NCKAP5: variants seen among roughly 807,000 people sequenced by gnomAD.
NCKAP5 encodes the protein nck-associated protein 5.
In NCKAP5, 92 loss-of-function variants were observed where a neutral mutation model predicts 167.0. That is an observed-to-expected ratio of 0.55 (90% CI 0.47 to 0.66). NCKAP5 has a LOEUF of 0.66. Among genes scored for constraint, NCKAP5 ranks in the 30% least tolerant of loss-of-function variants. The probability of loss-of-function intolerance (pLI) is 0.00; values close to 1 mark genes in which losing one functional copy is unlikely to be tolerated. For synonymous variants in NCKAP5, 891 were observed against 877.4 expected, an observed-to-expected ratio of 1.02 and a Z score of -0.27; for missense variants, 2,378 against 2,315.0, an observed-to-expected ratio of 1.03 and a Z score of -0.56.
At chr2:133,610,179 A>C in the NCKAP5 span, among the ~76,000 whole-genome samples, 9 of 152,190 alleles carry the variant, frequency 5.9e-5, no homozygotes, top group Non-Finnish European at 1.3e-4. Flanking sequence ...TACCATGAGA[A>C]AGAACACAAT....
chr2:133,106,899 A>G (rs1013221084), intron 6 of NCKAP5, among the ~76,000 whole-genome samples: 8 of 152,230 alleles, frequency 5.3e-5, no homozygotes, highest in Admixed American at 1.3e-4. Context: ...AATCAGAATC[A>G]AAAGTGAATG....
At chr2:133,345,315 C>T (rs1683895775) in intron 3 of NCKAP5, among the ~76,000 whole-genome samples, 1 of 151,824 alleles carries the variant, frequency 6.6e-6, no homozygotes. Context: ...CCCAAGTTTG[C>T]GTTTTTGACA....
At position 133,141,195 on chromosome 2, in the gene NCKAP5, T is replaced by C. The variant is rs560833097; in HGVS notation, c.208-11084A>G. On this transcript the variant is annotated intron_variant, in intron 5 of 19. Coordinates refer to ENST00000409261, the MANE Select transcript of NCKAP5 (RefSeq NM_207363.3). ...CATCTTCTTTCCCTTACCATTGCCT[T>C]CTCCCAACAGCCCAGGGATTGCAAT... Among the ~76,000 whole-genome samples the C allele has an allele frequency of 4.6e-5, 7 of 152,202 alleles. No homozygotes were observed. In the South Asian group the frequency reaches 6.2e-4, roughly 14 times the overall value.
At chr2:132,674,147 C>A (rs938416793) in intron 19 of NCKAP5, among the ~76,000 whole-genome samples, 9 of 152,186 alleles carry the variant, frequency 5.9e-5, no homozygotes, top group African/African-American at 2.2e-4. Flanking sequence ...TACAATATTT[C>A]TCATCTTCTT....
chr2:132,913,392 G>A (rs1033981355), intron 8 of NCKAP5, among the ~76,000 whole-genome samples: 21 of 151,598 alleles, frequency 1.4e-4, no homozygotes, highest in African/African-American at 3.1e-4. Flanking sequence ...GTGTGATCTC[G>A]GGTGTGATGC....
chr2:133,408,373 T>C (rs1688573999), intron 3 of NCKAP5, among the ~76,000 whole-genome samples: 1 of 152,218 alleles, frequency 6.6e-6, no homozygotes, highest in African/African-American at 2.4e-5. Context: ...TCTCTCCGAA[T>C]GTTGTTCCAT....
chr2:132,768,752 G>A (rs930067798), intron 16 of NCKAP5, among the ~76,000 whole-genome samples: 34 of 148,802 alleles, frequency 2.3e-4, no homozygotes, highest in Admixed American at 1.5e-3. Context: ...CCATTCTCCT[G>A]CCTCAGCCTC....
chr2:132,904,348 A>T (rs114045445), intron 8 of NCKAP5, among the ~76,000 whole-genome samples: 3,935 of 150,272 alleles, frequency 0.026, 150 homozygotes, highest in African/African-American at 0.089. Flanking sequence ...AAATAAATAA[A>T]TAAATAAAAA....
intron 16 of NCKAP5, among the ~76,000 whole-genome samples, chr2:132,761,015 A>G (rs777604469): frequency 9.2e-5 from 14 of 152,124 alleles, no homozygotes; most frequent in Admixed American, 2.0e-4. Context: ...ATGATTCACA[A>G]TCTTCAGAGG....
At chr2:133,494,985 C>A (rs1407922511) in intron 3 of NCKAP5, among the ~76,000 whole-genome samples, 2 of 152,066 alleles carry the variant, frequency 1.3e-5, no homozygotes, top group Non-Finnish European at 2.9e-5. Context: ...GCTTCATCTG[C>A]ACAACAAAAC....
chr2:132,840,638 T>C (rs1558843996), intron 11 of NCKAP5, among the ~76,000 whole-genome samples: 1 of 152,282 alleles, frequency 6.6e-6, no homozygotes, highest in East Asian at 1.9e-4. Context: ...CAGCAGGAAG[T>C]GGCTGTTTAA....
At chr2:132,843,701 A>C (rs575357283) in intron 11 of NCKAP5, among the ~76,000 whole-genome samples, 1 of 152,100 alleles carries the variant, frequency 6.6e-6, no homozygotes, top group African/African-American at 2.4e-5. Flanking sequence ...TTTAGTGTCA[A>C]GTTGGTATAC....
intron 3 of NCKAP5, among the ~76,000 whole-genome samples, chr2:133,378,398 A>G (rs896765338): frequency 6.6e-6 from 1 of 152,204 alleles, no homozygotes; most frequent in Admixed American, 6.5e-5. Context: ...ACAGACACTA[A>G]ACATCTGAAT....
At chr2:132,790,233 G>A in intron 12 of NCKAP5, 28 bp from the exon 13 acceptor site, 1 of 1,593,426 alleles carries the variant, frequency 6.3e-7, no homozygotes, top group Non-Finnish European at 8.6e-7. Flanking sequence ...CTCTGAGCAA[G>A]GGCTTTGCTC....
intron 10 of NCKAP5, among the ~76,000 whole-genome samples, chr2:132,867,966 T>C (rs1014053310): frequency 3.9e-5 from 6 of 152,102 alleles, no homozygotes; most frequent in Non-Finnish European, 8.8e-5. Flanking sequence ...TTGACAGAAA[T>C]AGTAGGCAAG....
At chr2:133,194,523 G>T (rs2085355981) in intron 5 of NCKAP5, among the ~76,000 whole-genome samples, 1 of 151,980 alleles carries the variant, frequency 6.6e-6, no homozygotes, top group African/African-American at 2.4e-5. Flanking sequence ...CAGCTCTCAT[G>T]CCAAGGACAC....
chr2:133,519,393 C>T (rs1684288342), intron 2 of NCKAP5, among the ~76,000 whole-genome samples: 1 of 152,208 alleles, frequency 6.6e-6, no homozygotes, highest in South Asian at 2.1e-4. Flanking sequence ...CTGTATACTG[C>T]TATAGGCATG....
chr2:132,822,040 C>T (rs918248657), intron 11 of NCKAP5, among the ~76,000 whole-genome samples: 2 of 152,170 alleles, frequency 1.3e-5, no homozygotes, highest in Non-Finnish European at 2.9e-5. Context: ...AGCTTAGAGT[C>T]CCCTACTAGC....
chr2:133,176,733 T>C (rs1257868277), intron 5 of NCKAP5, among the ~76,000 whole-genome samples: 1 of 152,208 alleles, frequency 6.6e-6, no homozygotes, highest in Non-Finnish European at 1.5e-5. Context: ...TCTATATCTA[T>C]ATGACAGTCA....
Sources: allele counts gnomAD v4.1 joint callset (sites outside exome capture counted in the v4.1 genomes callset), GRCh38; gene constraint gnomAD v4.1.1; transcripts MANE v1.5; gene names NCBI Gene and HGNC (gene_info 2026-07-23, HGNC 2026-07-21).